Variants in PRKN observed in about 807,000 individuals in gnomAD.
PRKN encodes the protein parkin RBR E3 ubiquitin protein ligase.
Under a neutral mutation model 59.5 loss-of-function variants are expected in PRKN, and 56 were observed. The ratio of observed to expected loss-of-function variants is 0.94; its 90% CI spans 0.76 to 1.18. The LOEUF is 1.18. Among genes scored for constraint, PRKN ranks in the 50% most tolerant of loss-of-function variants. PRKN has a pLI of 0.00. For synonymous variants in PRKN, 250 were observed against 222.1 expected (o/e 1.13, Z -1.12); for missense variants, 657 against 596.4 (o/e 1.10, Z -1.06).
intron 9 of PRKN, among the ~76,000 whole-genome samples, chr6:161,477,548 G>T (rs1234364693): frequency 6.6e-6 from 1 of 151,280 alleles, no homozygotes; most frequent in Non-Finnish European, 1.5e-5. Flanking sequence ...TTTTCCTTAG[G>T]ATAAGGTTAA....
Position 161,362,149 on chromosome 6 carries a change from C to T in PRKN, c.1168-1944G>A, listed in dbSNP as rs1170953388. ...TTATCAGAAAATAATTTCAAAATGC[C>T]ATTTTTTAGCAACATGGCATACTGC... On this transcript the variant is annotated intron_variant, in intron 10 of 11. Transcript: ENST00000366898. This position sits in a 1 kb window ranked among gnomAD's most constrained non-coding sequence, Gnocchi z 5.2. 6.6e-6 allele frequency among the ~76,000 whole-genome samples: 1 copy of T among 152,124 alleles called. No homozygotes were observed. The highest frequency in any genetic ancestry group is 1.5e-5 in the Non-Finnish European group (1 of 68,022).
At chr6:162,360,913 A>C (rs139440270) in intron 2 of PRKN, among the ~76,000 whole-genome samples, 21 of 152,360 alleles carry the variant, frequency 1.4e-4, no homozygotes, top group African/African-American at 5.0e-4. Context: ...TGGATGAATG[A>C]TGAGTTTTTG....
intron 1 of PRKN, among the ~76,000 whole-genome samples, chr6:162,699,404 C>A (rs1219994071): frequency 6.6e-6 from 1 of 152,060 alleles, no homozygotes; most frequent in Non-Finnish European, 1.5e-5. Context: ...TTAACTGAAT[C>A]CACTCCTCCT....
chr6:162,655,769 G>C (rs1234934526), intron 1 of PRKN, among the ~76,000 whole-genome samples: 1 of 152,110 alleles, frequency 6.6e-6, no homozygotes, highest in Non-Finnish European at 1.5e-5. Flanking sequence ...TTCCTCCTCT[G>C]AGCTTCTGCT....
At chr6:161,804,979 T>C (rs1422387049) in intron 6 of PRKN, among the ~76,000 whole-genome samples, 3 of 152,216 alleles carry the variant, frequency 2.0e-5, no homozygotes, top group Non-Finnish European at 4.4e-5. Flanking sequence ...TTGCCAAAGG[T>C]GACAGAGTGG....
At chr6:162,698,772 A>G (rs1392744831) in intron 1 of PRKN, among the ~76,000 whole-genome samples, 2 of 152,114 alleles carry the variant, frequency 1.3e-5, no homozygotes, top group African/African-American at 4.8e-5. Flanking sequence ...CCAGGTTTTT[A>G]TTTTGGAGGG....
intron 2 of PRKN, among the ~76,000 whole-genome samples, chr6:162,320,362 C>CAAAAAAAAAAAAAAAAAA (rs55793911): frequency 1.4e-4 from 1 of 7,286 alleles, no homozygotes; most frequent in African/African-American, 5.8e-4. Flanking sequence ...TACAAAAAGC[C>CAAAAAAAAAAAAAAAAAA]AAAAAAAAAA....
intron 4 of PRKN, among the ~76,000 whole-genome samples, chr6:162,110,313 A>T (rs1780371116): frequency 6.6e-6 from 1 of 152,146 alleles, no homozygotes; most frequent in Non-Finnish European, 1.5e-5. Flanking sequence ...CTAGAAGCAA[A>T]AACATTGGTA....
intron 7 of PRKN, among the ~76,000 whole-genome samples, chr6:161,748,004 G>T (rs1345206252): frequency 6.6e-6 from 1 of 152,120 alleles, no homozygotes; most frequent in Non-Finnish European, 1.5e-5. Context: ...TCTTTCGGTG[G>T]CATTTGAGTC....
chr6:161,874,999 A>AAG (rs1562356797), intron 6 of PRKN, among the ~76,000 whole-genome samples: 1 of 92,848 alleles, frequency 1.1e-5, no homozygotes, highest in Non-Finnish European at 1.8e-5. Flanking sequence ...TTTATATATA[A>AAG]TATATTATAT....
chr6:161,680,752 TATATATATA>T (rs1316125871), intron 7 of PRKN, among the ~76,000 whole-genome samples: 7 of 33,438 alleles, frequency 2.1e-4, no homozygotes, highest in African/African-American at 9.7e-4. Context: ...TATATATATA[TATATATATA>T]TATATATATA....
Position 161,400,123 on chromosome 6 carries a change from A to G in PRKN, c.1084-13246T>C, listed in dbSNP as rs1786958426. Reference sequence around the variant, plus strand: ...CAGGAGCCTCACAGGGCTAGTGGCCACCATGCTGGCCACCACGCTGGACTG... The same window carrying G: ...CAGGAGCCTCACAGGGCTAGTGGCCGCCATGCTGGCCACCACGCTGGACTG... On this transcript the variant is annotated intron_variant, in intron 9 of 11. Transcript: ENST00000366898. The surrounding 1 kb of genome is among the most constrained non-coding windows in gnomAD (Gnocchi z 4.2). Among the ~76,000 whole-genome samples the G allele has an allele frequency of 6.6e-6, 1 of 151,998 alleles. No homozygotes were observed. Among genetic ancestry groups the G allele is most frequent in the Non-Finnish European group, 1.5e-5 (1 of 68,008 alleles).
intron 5 of PRKN, among the ~76,000 whole-genome samples, chr6:161,973,670 G>A (rs1379547410): frequency 1.3e-5 from 2 of 152,118 alleles, no homozygotes; most frequent in Non-Finnish European, 2.9e-5. Flanking sequence ...GGAGAAATAC[G>A]CTGTGACCTT....
chr6:161,606,248 T>C (rs1354732933), intron 7 of PRKN, among the ~76,000 whole-genome samples: 1 of 152,128 alleles, frequency 6.6e-6, no homozygotes, highest in Non-Finnish European at 1.5e-5. Flanking sequence ...TCCAGTTAAG[T>C]GTGATGTGAG....
At chr6:162,379,523 A>G (rs1453018390) in intron 2 of PRKN, among the ~76,000 whole-genome samples, 1 of 152,208 alleles carries the variant, frequency 6.6e-6, no homozygotes, top group African/African-American at 2.4e-5. Flanking sequence ...GTTTCTAAAT[A>G]AATCTCCCAT....
At chr6:162,436,825 C>A (rs1789796046) in intron 2 of PRKN, among the ~76,000 whole-genome samples, 1 of 151,324 alleles carries the variant, frequency 6.6e-6, no homozygotes, top group South Asian at 2.1e-4. Flanking sequence ...GGAGTGGTGG[C>A]TCATGCCTGT....
intron 6 of PRKN, among the ~76,000 whole-genome samples, chr6:161,957,556 C>G (rs1780227133): frequency 6.6e-6 from 1 of 151,960 alleles, no homozygotes; most frequent in South Asian, 2.1e-4. Context: ...TCCCTAGTAG[C>G]TGGGATTACA....
intron 2 of PRKN, among the ~76,000 whole-genome samples, chr6:162,361,225 G>C (rs1174175993): frequency 6.6e-6 from 1 of 152,044 alleles, no homozygotes; most frequent in Non-Finnish European, 1.5e-5. Context: ...CTCATTAGGG[G>C]AAAAGAGAGA....
intron 2 of PRKN, among the ~76,000 whole-genome samples, chr6:162,352,540 T>A (rs369156838): frequency 2.6e-5 from 4 of 152,174 alleles, no homozygotes; most frequent in Non-Finnish European, 5.9e-5. Context: ...ATCTTGATTA[T>A]GAAAAACTCT....
Sources: allele counts gnomAD v4.1 joint callset (sites outside exome capture counted in the v4.1 genomes callset), GRCh38; gene constraint gnomAD v4.1.1; non-coding constraint Gnocchi (gnomAD v3.1); transcripts MANE v1.5; gene names NCBI Gene and HGNC (gene_info 2026-07-23, HGNC 2026-07-21).